BRF1: variants seen among roughly 807,000 people sequenced by gnomAD.
BRF1 encodes BRF1 general transcription factor IIIB subunit, also known as transcription factor IIIB 90 kDa subunit.
BRF1 carries 59 observed loss-of-function variants against 81.7 expected under a neutral mutation model. The observed-to-expected ratio is 0.72, with a 90% CI of 0.59 to 0.90. The LOEUF (loss-of-function observed/expected upper bound fraction) is 0.90. Among genes scored for constraint, BRF1 ranks in the 40% least tolerant of loss-of-function variants. The pLI is 0.00. For synonymous variants in BRF1, 491 were observed against 395.6 expected (o/e 1.24, Z -2.86); for missense variants, 1,050 against 936.3 (o/e 1.12, Z -1.58).
chr14:105,226,872 C>A, intron 7 of BRF1, 112 bp from the exon 8 acceptor site: 2 of 1,537,346 alleles, frequency 1.3e-6, no homozygotes, highest in Non-Finnish European at 8.8e-7. Context: ...GCTTTGGGAG[C>A]CCAAGGTGGG....
At chr14:105,291,641 C>CA (rs904673012) in intron 1 of BRF1, among the ~76,000 whole-genome samples, 20 of 151,648 alleles carry the variant, frequency 1.3e-4, no homozygotes, top group Non-Finnish European at 1.6e-4. Flanking sequence ...AAGACTCTGT[C>CA]AAAAAAAAAT....
intron 6 of BRF1, 138 bp downstream of exon 6, chr14:105,241,127 A>T: frequency 7.2e-7 from 1 of 1,389,602 alleles, no homozygotes; most frequent in South Asian, 1.4e-5. Context: ...GGGCCAGGCC[A>T]GAGTCAGCCC....
At position 105,217,473 on chromosome 14, in the gene BRF1, G is replaced by T; in HGVS notation, c.1772+71C>A. On this transcript the variant is annotated intron_variant, in intron 15 of 17. Transcript: ENST00000547530. ...CCCGGCTGGCCCCCGGCAGCTCCAG[G>T]ACCCGAAGCCATGGGCCTCTGCCCG... The T allele has an allele frequency of 2.5e-6, 4 of 1,570,342 alleles. No individual in the cohort carries two copies. In the South Asian group the frequency reaches 4.6e-5, roughly 18 times the overall value.
At chr14:105,247,966 G>A (rs916707305) in intron 5 of BRF1, 20 of 985,402 alleles carry the variant, frequency 2.0e-5, no homozygotes, top group Non-Finnish European at 2.2e-5. Flanking sequence ...CACAGGCAGA[G>A]CCACAGAGGC....
At chr14:105,266,089 C>CA (rs894258461) in intron 3 of BRF1, among the ~76,000 whole-genome samples, 3 of 151,598 alleles carry the variant, frequency 2.0e-5, no homozygotes, top group African/African-American at 7.3e-5. Flanking sequence ...ACAAAACAAA[C>CA]AAAAAACCGT....
intron 3 of BRF1, among the ~76,000 whole-genome samples, chr14:105,261,290 C>T (rs1267145247): frequency 6.6e-6 from 1 of 152,224 alleles, no homozygotes; most frequent in Non-Finnish European, 1.5e-5. Flanking sequence ...TTCCTGAGTG[C>T]GGCAGAGGCC....
At chr14:105,211,823 A>C in intron 16 of BRF1, 1 of 504,420 alleles carries the variant, frequency 2.0e-6, no homozygotes, top group Non-Finnish European at 3.6e-6. Flanking sequence ...CTTCCTACAT[A>C]CAGGCTCCCT....
chr14:105,229,740 G>T (rs1204422214), intron 6 of BRF1, among the ~76,000 whole-genome samples: 1 of 20,718 alleles, frequency 4.8e-5, no homozygotes, highest in Non-Finnish European at 1.1e-4. Flanking sequence ...TCGCCCAGCT[G>T]GGGGCGGGGG....
chr14:105,248,811 A>T, intron 5 of BRF1: 2 of 983,466 alleles, frequency 2.0e-6, no homozygotes, highest in Non-Finnish European at 2.4e-6. Context: ...GCGCGGCGCG[A>T]GGGCGCGGGG....
intron 14 of BRF1, among the ~76,000 whole-genome samples, chr14:105,218,777 C>T (rs1345849045): frequency 6.6e-6 from 1 of 151,650 alleles, no homozygotes; most frequent in Non-Finnish European, 1.5e-5. Flanking sequence ...GCTGAGCACA[C>T]GCCCTCCAAG....
At chr14:105,254,479 G>A (rs868015141) in intron 4 of BRF1, among the ~76,000 whole-genome samples, 3 of 152,096 alleles carry the variant, frequency 2.0e-5, no homozygotes, top group South Asian at 2.1e-4. Flanking sequence ...GGATGGTCTC[G>A]ATCTCCAGAC....
intron 5 of BRF1, chr14:105,249,496 G>T: frequency 6.2e-7 from 1 of 1,610,010 alleles, no homozygotes; most frequent in South Asian, 1.1e-5. Flanking sequence ...CACTCTACTG[G>T]GGAGGGACGG....
chr14:105,310,346 C>T lies in BRF1; in HGVS notation c.-162+4976G>A, dbSNP rs587620768. ...GAGATCAAGACCATCCTGGCTAACA[C>T]GGTGAAACCCCGTCTCTAATAAAAA... is the stretch of plus-strand genomic sequence containing the variant. On this transcript the variant is annotated intron_variant, in intron 1 of 17. Transcript: ENST00000327359. Among the ~76,000 whole-genome samples, 331 of 151,214 alleles carry T rather than the reference C, an allele frequency of 2.2e-3. 2 individuals carry two copies. Among genetic ancestry groups the T allele is most frequent in the African/African-American group, 7.5e-3 (308 of 41,290 alleles).
At chr14:105,248,569 TCGGG>T (rs587760631) in intron 5 of BRF1, 299,891 of 538,024 alleles carry the variant, frequency 0.56, 68,436 homozygotes, top group East Asian at 0.81. Context: ...GGGTACGGGC[TCGGG>T]CGGGCGGGCG....
At chr14:105,219,464 C>G in intron 12 of BRF1, 1 of 866,698 alleles carries the variant, frequency 1.2e-6, no homozygotes, top group Non-Finnish European at 1.7e-6. Context: ...GTGAGACCCC[C>G]TAGGGCAGCT....
chr14:105,265,045 C>CTTTTTTTTTTT (rs587772604), intron 3 of BRF1, among the ~76,000 whole-genome samples: 2 of 135,174 alleles, frequency 1.5e-5, no homozygotes, highest in African/African-American at 5.4e-5. Context: ...TCTACTTATC[C>CTTTTTTTTTTT]TTTTTTTTGT....
chr14:105,248,584 GGCGGGACGGCGCCCCCC>G, intron 5 of BRF1: 1 of 602,076 alleles, frequency 1.7e-6, no homozygotes, highest in Non-Finnish European at 2.1e-6. Context: ...CGGGCGGGCG[GGCGGGACGGCGCCCCCC>G]GCGGCCGGGC....
chr14:105,273,505 T>C (rs1362458438), intron 2 of BRF1, among the ~76,000 whole-genome samples: 2 of 152,160 alleles, frequency 1.3e-5, no homozygotes, highest in Admixed American at 6.5e-5. Flanking sequence ...TGTTACTGTG[T>C]CTATGCAGAA....
At chr14:105,282,214 T>C (rs1382403209) in intron 2 of BRF1, among the ~76,000 whole-genome samples, 1 of 152,136 alleles carries the variant, frequency 6.6e-6, no homozygotes, top group Non-Finnish European at 1.5e-5. Context: ...GGAGTTTCTC[T>C]CTCCCAGACC....
Sources: allele counts gnomAD v4.1 joint callset (sites outside exome capture counted in the v4.1 genomes callset), GRCh38; gene constraint gnomAD v4.1.1; transcripts MANE v1.5; gene names NCBI Gene and HGNC (gene_info 2026-07-23, HGNC 2026-07-21).